The following WDR17 variants were observed in gnomAD, a reference collection of about 807,000 sequenced individuals.
WDR17 encodes WD repeat-containing protein 17.
A neutral mutation model predicts 161.7 loss-of-function variants in WDR17; 143 were observed. The observed-to-expected ratio is 0.88, with a 90% CI of 0.77 to 1.02. WDR17 has a LOEUF of 1.02. Among genes scored for constraint, WDR17 ranks in the 50% least tolerant of loss-of-function variants. The pLI is 0.00. For synonymous variants in WDR17, 517 were observed against 515.6 expected, an observed-to-expected ratio of 1.00 and a Z score of -0.04; for missense variants, 1,469 against 1,520.9, an observed-to-expected ratio of 0.97 and a Z score of 0.57.
intron 26 of WDR17, among the ~76,000 whole-genome samples, chr4:176,175,076 T>C (rs1751248364): frequency 6.6e-6 from 1 of 152,120 alleles, no homozygotes; most frequent in South Asian, 2.1e-4. Flanking sequence ...TATCCCATGG[T>C]TAGAAGATAG....
At chr4:176,164,835 T>C (rs905622509) in intron 22 of WDR17, among the ~76,000 whole-genome samples, 2 of 152,138 alleles carry the variant, frequency 1.3e-5, no homozygotes, top group African/African-American at 4.8e-5. Context: ...CAGACTTCAG[T>C]GTACTTAATG....
At position 176,177,335 on chromosome 4, in the gene WDR17, C is replaced by G. The variant is rs189121978; in HGVS notation, c.3549-136C>G. On this transcript the variant is annotated intron_variant, in intron 27 of 28. Transcript: ENST00000508596. ...TTCTGCCATGTAGTCCTTTGTTTTA[C>G]TATAAATTAAGTCTAAAGGGATTTG... is the stretch of plus-strand genomic sequence containing the variant. 7.1e-5 allele frequency: 71 copies of G among 1,000,932 alleles called. No homozygotes were observed. In the East Asian group the frequency reaches 1.4e-3, roughly 19 times the overall value. 62.0% of individuals were successfully genotyped at this position (1,000,932 alleles called of 1,614,324 possible).
Position 176,181,787 on chromosome 4 carries a change from A to T in WDR17, c.*2208A>T, listed in dbSNP as rs1446593017. The T allele has an allele frequency of 3.3e-5, 5 of 152,202 alleles. No individual in the cohort carries two copies. The allele number at this position is 152,202 out of a possible 1,614,324, so 9.4% of individuals were successfully genotyped here. A position where few individuals can be genotyped will look rare whatever the true frequency, so the allele number is the denominator to read the frequency against. ...AACAATCATTACTTCTGTATTTTTA[A>T]TGAATGCAGGAAAATAATATTTTTA... is the stretch of plus-strand genomic sequence containing the variant. On this transcript the variant is annotated 3_prime_UTR_variant, in exon 29 of 29. Transcript: ENST00000508596.
chr4:176,127,993 T>C (rs1291673508), intron 5 of WDR17, among the ~76,000 whole-genome samples: 1 of 152,224 alleles, frequency 6.6e-6, no homozygotes, highest in Non-Finnish European at 1.5e-5. Flanking sequence ...CTTCATTCCT[T>C]TTTATGGCTG....
intron 2 of WDR17, among the ~76,000 whole-genome samples, chr4:176,113,609 TTA>T (rs1028356575): frequency 6.6e-6 from 1 of 152,000 alleles, no homozygotes; most frequent in African/African-American, 2.4e-5. Context: ...AATATGAAAT[TTA>T]TGTTAATAAG....
At chr4:176,177,410 C>G in intron 27 of WDR17, 61 bp from the exon 28 acceptor site, 1 of 1,410,886 alleles carries the variant, frequency 7.1e-7, no homozygotes, top group Non-Finnish European at 9.5e-7. Context: ...AATTTCTAAT[C>G]TAAACATCAA....
rs1749112241 is a variant in WDR17 at position 176,162,075 on chromosome 4, A to G, written c.2751A>G (p.Glu917=). 9.9e-6 allele frequency: 16 copies of G among 1,608,164 alleles called. No individual in the cohort carries two copies. The South Asian group carries it at 1.6e-4, about 16-fold the overall frequency. Residue 917 remains glutamate, a splice_region_variant and synonymous_variant, in exon 21 of 29, where the codon GAA becomes GAG. Coordinates refer to ENST00000508596, the MANE Select transcript of WDR17 (RefSeq NM_181265.4). ...AGAATACACATTTTTTTCTTTCTAG[A>G]CTCCTGCACAAAGTCAGTAAAGAAC... is the stretch of plus-strand genomic sequence containing the variant. ...SDDIYKEDFN[E]LLHKVSKELA... is the part of the protein sequence containing the mutation.
intron 1 of WDR17, among the ~76,000 whole-genome samples, chr4:176,095,873 A>C (rs891905248): frequency 5.9e-5 from 9 of 152,126 alleles, no homozygotes; most frequent in African/African-American, 2.2e-4. Flanking sequence ...TGGCTAGTAA[A>C]TATTTCCTTC....
chr4:176,074,751 A>G (rs1430715946), intron 1 of WDR17, among the ~76,000 whole-genome samples: 1 of 146,080 alleles, frequency 6.8e-6, no homozygotes, highest in Non-Finnish European at 1.5e-5. Flanking sequence ...CCCTGTGCTA[A>G]TTTTGTGATT....
intron 1 of WDR17, among the ~76,000 whole-genome samples, chr4:176,108,849 G>T (rs1231429251): frequency 6.6e-6 from 1 of 152,112 alleles, no homozygotes; most frequent in Non-Finnish European, 1.5e-5. Flanking sequence ...GAGTGCAGTG[G>T]CATGATCACA....
At chr4:176,111,517 A>G (rs1009914543) in intron 1 of WDR17, 58 bp from the exon 2 acceptor site, 19 of 1,557,166 alleles carry the variant, frequency 1.2e-5, no homozygotes, top group African/African-American at 5.5e-5. Context: ...ATGTAAAACA[A>G]TGAGGAAGTT....
intron 1 of WDR17, among the ~76,000 whole-genome samples, chr4:176,080,241 C>T (rs1374961934): frequency 6.7e-6 from 1 of 149,596 alleles, no homozygotes; most frequent in African/African-American, 2.5e-5. Context: ...ATTTAAAATC[C>T]ATGTGGGGAT....
At chr4:176,163,008 C>T (rs931039610) in intron 21 of WDR17, 146 bp from the exon 22 acceptor site, 6 of 1,086,200 alleles carry the variant, frequency 5.5e-6, no homozygotes, top group Middle Eastern at 2.2e-4. Flanking sequence ...TACATAGCTA[C>T]TTTATAGGAA....
chr4:176,167,661 A>AAACAAC lies in WDR17; in HGVS notation c.2991-1009_2991-1008insCAACAA, dbSNP rs1554036559. 8.1e-3 allele frequency among the ~76,000 whole-genome samples: 916 copies of AAACAAC among 113,766 alleles called. 75 individuals are homozygous for AAACAAC. The highest frequency in any genetic ancestry group is 0.023 in the African/African-American group (698 of 30,810). The allele number at this position is 113,766 out of a possible 152,430, so 74.6% of individuals were successfully genotyped here. ...CTCCGTCTCAAAAAAAAAAAAAAAA[A>AAACAAC]AAAAAAAAAAACAATATCTTGAATT... is the stretch of plus-strand genomic sequence containing the variant. On this transcript the variant is annotated intron_variant, in intron 22 of 28. Coordinates refer to ENST00000508596, the MANE Select transcript of WDR17 (RefSeq NM_181265.4).
intron 16 of WDR17, 43 bp from the exon 17 acceptor site, chr4:176,151,769 A>G (rs1228939813): frequency 4.6e-6 from 7 of 1,519,438 alleles, no homozygotes; most frequent in Admixed American, 2.3e-5. Flanking sequence ...ACAAAACAAA[A>G]TATGTCAAAT....
chr4:176,082,497 G>T (rs1033924551), intron 1 of WDR17, among the ~76,000 whole-genome samples: 1 of 151,840 alleles, frequency 6.6e-6, no homozygotes, highest in African/African-American at 2.4e-5. Flanking sequence ...CATTACAGTG[G>T]CTTAAAAGTC....
intron 16 of WDR17, 56 bp from the exon 17 acceptor site, chr4:176,151,756 C>A: frequency 7.0e-7 from 1 of 1,425,906 alleles, no homozygotes; most frequent in Non-Finnish European, 9.5e-7. Context: ...TATTGTGACA[C>A]ATACAAAACA....
intron 16 of WDR17, 69 bp from the exon 17 acceptor site, chr4:176,151,743 A>C (rs1747149984): frequency 5.2e-6 from 7 of 1,348,868 alleles, no homozygotes; most frequent in Non-Finnish European, 7.0e-6. Context: ...ATATGCAACA[A>C]ATTATTGTGA....
chr4:176,159,986 T>C lies in WDR17; in HGVS notation c.2526-8T>C. ...ATATTGTTTAAAAAACTGTCCTTAT[T>C]TTATTAGGAGAGCTGACCAATTAAT... On this transcript the variant is annotated splice_polypyrimidine_tract_variant and splice_region_variant and intron_variant, in intron 18 of 28. Transcript: ENST00000508596. 1 of 1,582,172 alleles carries C rather than the reference T, an allele frequency of 6.3e-7. No homozygotes were observed. Among genetic ancestry groups the C allele is most frequent in the South Asian group, 1.2e-5 (1 of 85,434 alleles).
Sources: gnomAD v4.1 joint callset for allele counts (sites outside exome capture counted in the v4.1 genomes callset) on GRCh38, gnomAD v4.1.1 for gene constraint, MANE v1.5 for transcripts, NCBI Gene and HGNC (gene_info 2026-07-23, HGNC 2026-07-21) for gene names.